CRLF2: variants seen among roughly 807,000 people sequenced by gnomAD.
The protein encoded by CRLF2 is cytokine receptor-like factor 2.
Under a neutral mutation model 38.7 loss-of-function variants are expected in CRLF2, and 41 were observed. The observed-to-expected ratio is 1.06, with a 90% CI of 0.83 to 1.37. The LOEUF (loss-of-function observed/expected upper bound fraction) is 1.37, where lower values mean the gene tolerates loss of function less well. CRLF2 is among the 40% of genes most tolerant of loss of function. CRLF2 has a pLI of 0.00. For synonymous variants in CRLF2, 140 were observed against 128.8 expected, an observed-to-expected ratio of 1.09 and a Z score of -0.59; for missense variants, 377 against 322.2, an observed-to-expected ratio of 1.17 and a Z score of -1.30.
rs1394465340 is a variant in CRLF2, at chrX:1,199,130, C to CA, written c.484-407dup. The CA allele has an allele frequency of 1.5e-5, 4 of 270,774 alleles. No individual in the cohort carries two copies. In the East Asian group the frequency reaches 3.7e-4, roughly 25 times the overall value. The allele number at this position is 270,774 out of a possible 1,614,324, so 16.8% of individuals were successfully genotyped here. A position where few individuals can be genotyped will look rare whatever the true frequency, so the allele number is the denominator to read the frequency against. On this transcript the variant is annotated intron_variant, in intron 4 of 7. Transcript: ENST00000400841. The stretch of plus-strand genomic sequence containing the variant: ...CACCACTGCACTCCAGCCTGGGTGA[C>CA]AGAGCGGGACTGTGTCTAAAAAAAG...
chrX:1,202,356 GGGAC>G lies in CRLF2; in HGVS notation c.483+42_483+45del, dbSNP rs755258219. 3.0e-5 allele frequency: 49 copies of G among 1,610,548 alleles called. No homozygotes were observed. In the African/African-American group the frequency reaches 6.1e-4, roughly 20 times the overall value. On this transcript the variant is annotated intron_variant, in intron 4 of 7. Coordinates refer to ENST00000400841, the MANE Select transcript of CRLF2 (RefSeq NM_022148.4). ...AGCGAATCCCACAGCCCGCACCTGG[GGGAC>G]GCTCAGCCACCATCGCCCTGAGTCG...
chrX:1,196,176 C>T (rs1392697533), intron 6 of CRLF2, among the ~76,000 whole-genome samples: 3 of 134,322 alleles, frequency 2.2e-5, no homozygotes, highest in Admixed American at 7.8e-5. Context: ...CCACCACACC[C>T]GGCAGGGCTA....
chrX:1,195,617 G>A (rs1411747114), intron 6 of CRLF2, among the ~76,000 whole-genome samples: 6 of 146,966 alleles, frequency 4.1e-5, no homozygotes, highest in Admixed American at 3.5e-4. Flanking sequence ...CACCCTTGTC[G>A]CCCAGGCTGG....
At chrX:1,202,268 G>T in intron 4 of CRLF2, 134 bp downstream of exon 4, 2 of 1,037,616 alleles carry the variant, frequency 1.9e-6, no homozygotes, top group Non-Finnish European at 2.8e-6. Flanking sequence ...AGCTCTCTCA[G>T]GAAGATACAG....
At chrX:1,207,986 G>T (rs1482883794) in intron 2 of CRLF2, among the ~76,000 whole-genome samples, 5 of 152,116 alleles carry the variant, frequency 3.3e-5, no homozygotes, top group Non-Finnish European at 7.3e-5. Context: ...TATCTCTTTT[G>T]TTATCAAACT....
At chrX:1,206,283 G>T (rs1792396142) in intron 3 of CRLF2, 150 bp downstream of exon 3, 2 of 691,934 alleles carry the variant, frequency 2.9e-6, no homozygotes, top group Admixed American at 5.1e-5. Flanking sequence ...ATAAGCTGCA[G>T]GAAGTACTGA....
At chrX:1,197,592 G>A (rs2086508500) in intron 5 of CRLF2, among the ~76,000 whole-genome samples, 1 of 151,900 alleles carries the variant, frequency 6.6e-6, no homozygotes, top group Admixed American at 6.6e-5. Flanking sequence ...GAGGCGGGCG[G>A]ATCACAAGGT....
intron 1 of CRLF2, 104 bp from the exon 2 acceptor site, chrX:1,209,012 G>C: frequency 1.4e-6 from 1 of 714,712 alleles, no homozygotes; most frequent in Admixed American, 2.7e-5. Flanking sequence ...CTGTTGCCCA[G>C]GCTGGAGTAC....
intron 4 of CRLF2, among the ~76,000 whole-genome samples, chrX:1,200,055 A>C (rs1374885199): frequency 1.6e-5 from 2 of 125,224 alleles, no homozygotes; most frequent in South Asian, 3.2e-4. Context: ...ATATGTGTGT[A>C]TATAAGGTGT....
chrX:1,198,767 A>ACACG (rs2086548212), intron 4 of CRLF2, 43 bp from the exon 5 acceptor site: 1 of 1,403,292 alleles, frequency 7.1e-7, no homozygotes, highest in Non-Finnish European at 9.9e-7. Context: ...ACACACACAC[A>ACACG]CACACACACA....
intron 5 of CRLF2, among the ~76,000 whole-genome samples, chrX:1,197,426 C>A (rs1320703195): frequency 6.6e-6 from 1 of 151,952 alleles, no homozygotes; most frequent in African/African-American, 2.4e-5. Context: ...CAACATGTAG[C>A]CTTTGGAGGC....
intron 7 of CRLF2, 84 bp downstream of exon 7, chrX:1,193,134 G>C: frequency 2.5e-6 from 1 of 397,258 alleles, no homozygotes; most frequent in Non-Finnish European, 4.4e-6. Flanking sequence ...TCTCTAAAAA[G>C]GTCGCGCTCA....
At position 1,208,852 on chromosome X, in the gene CRLF2, A is replaced by G. The variant is rs748714738; in HGVS notation, c.136T>C (p.Trp46Arg). Residue 46 changes from tryptophan (W) to arginine (R), a missense_variant, in exon 2 of 8, where the codon TGG becomes CGG. Trp to Arg is a moderately radical substitution (Grantham distance 101). Coordinates refer to ENST00000400841, the MANE Select transcript of CRLF2 (RefSeq NM_022148.4). ...GTCCTGGAGTATTTGCTGGCATTCCATGTCACCTGCACGGTTTCTAAATTG... is the reference window on the plus strand; with the variant it reads ...GTCCTGGAGTATTTGCTGGCATTCCGTGTCACCTGCACGGTTTCTAAATTG... ...YFNLETVQVTWNASKYSRTNL... is the reference protein window; with the variant it reads ...YFNLETVQVTRNASKYSRTNL... 11 of 1,612,818 alleles carry G rather than the reference A, an allele frequency of 6.8e-6. No individual in the cohort carries two copies. The highest frequency in any genetic ancestry group is 9.3e-6 in the Non-Finnish European group (11 of 1,178,982).
At position 1,190,735 on chromosome X, in the gene CRLF2, G is replaced by C; in HGVS notation, c.*162C>G. On this transcript the variant is annotated 3_prime_UTR_variant, in exon 8 of 8. Coordinates refer to ENST00000400841, the MANE Select transcript of CRLF2 (RefSeq NM_022148.4). ...TGTGGGGGAAAGTTAGCAGGGCAGTGGCCGCATTAGGCGGTGAGGCTGGGT... is the reference window on the plus strand; with the variant it reads ...TGTGGGGGAAAGTTAGCAGGGCAGTCGCCGCATTAGGCGGTGAGGCTGGGT... The C allele has an allele frequency of 2.5e-6, 1 of 397,976 alleles. No homozygotes were observed. The highest frequency in any genetic ancestry group is 4.4e-6 in the Non-Finnish European group (1 of 226,152). The allele number at this position is 397,976 out of a possible 1,614,324, so 24.7% of individuals were successfully genotyped here.
At chrX:1,196,985 A>C in intron 5 of CRLF2, 85 bp from the exon 6 acceptor site, 1 of 1,152,314 alleles carries the variant, frequency 8.7e-7, no homozygotes, top group Non-Finnish European at 1.2e-6. Flanking sequence ...TCTCATCCCT[A>C]ACCAGTCTCC....
intron 3 of CRLF2, among the ~76,000 whole-genome samples, chrX:1,203,931 A>C (rs1344314544): frequency 6.6e-6 from 1 of 152,052 alleles, no homozygotes; most frequent in Admixed American, 6.6e-5. Context: ...AAAAGTAAAA[A>C]AGAAACCCAG....
intron 6 of CRLF2, among the ~76,000 whole-genome samples, chrX:1,196,542 C>T (rs28727468): frequency 0.66 from 99,620 of 151,416 alleles, 33,010 homozygotes; most frequent in Middle Eastern, 0.74. Context: ...AGGCTGGTCT[C>T]GAACTCGTGA....
intron 7 of CRLF2, among the ~76,000 whole-genome samples, chrX:1,191,957 G>A (rs1319657039): frequency 6.6e-6 from 1 of 151,340 alleles, no homozygotes; most frequent in Admixed American, 6.6e-5. Flanking sequence ...TGTAATCCCA[G>A]CACTTTGGGA....
chrX:1,199,092 C>T, intron 4 of CRLF2: 1 of 389,924 alleles, frequency 2.6e-6, no homozygotes, highest in South Asian at 1.9e-5. Flanking sequence ...AAGGTTGTAG[C>T]AAGCAGAGAT....
Sources: allele counts gnomAD v4.1 joint callset (sites outside exome capture counted in the v4.1 genomes callset), GRCh38; gene constraint gnomAD v4.1.1; transcripts MANE v1.5; gene names NCBI Gene and HGNC (gene_info 2026-07-23, HGNC 2026-07-21).